The following ATAD5 variants were observed in gnomAD, a reference collection of about 807,000 sequenced individuals.
ATAD5 encodes the protein ATPase family AAA domain containing 5, also known as ATPase family AAA domain-containing protein 5.
Under a neutral mutation model 176.9 loss-of-function variants are expected in ATAD5, and 58 were observed. The observed-to-expected ratio is 0.33, with a 90% CI of 0.27 to 0.41. The LOEUF (loss-of-function observed/expected upper bound fraction) is 0.41. Among genes scored for constraint, ATAD5 ranks in the 10% least tolerant of loss-of-function variants. The pLI is 1.00. For missense variants in ATAD5, 1,789 were observed against 2,094.1 expected (o/e 0.85, Z 2.84); for synonymous variants, 640 against 712.6 (o/e 0.90, Z 1.62).
intron 6 of ATAD5, among the ~76,000 whole-genome samples, chr17:30,850,134 C>T (rs930914110): frequency 4.6e-5 from 7 of 151,702 alleles, no homozygotes; most frequent in African/African-American, 9.7e-5. Context: ...GAGCAAGATG[C>T]GGTCGCTAAA....
At position 30,894,117 on chromosome 17, in the gene ATAD5, A is replaced by G. The variant is rs1249364373; in HGVS notation, c.5264A>G (p.Asn1755Ser). 1.5e-5 allele frequency: 24 copies of G among 1,589,174 alleles called. No individual in the cohort carries two copies. The highest frequency in any genetic ancestry group is 2.0e-5 in the Non-Finnish European group (23 of 1,165,292). ...LTFYVSQKRN[N>S]VYFSQSAANL... ...TTTTATGTTTCACAAAAGCGCAATA[A>G]TGTATACTTTAGTCAGTCAGCAGCT... The change falls in exon 21 of 23, where the codon AAT (asparagine) becomes AGT (serine). Residue 1755 changes from asparagine to serine, a missense_variant. This residue lies in a region of ATAD5 where 403 missense variants were observed against 495.1 expected (regional missense o/e 0.81). Coordinates refer to ENST00000321990, the MANE Select transcript of ATAD5 (RefSeq NM_024857.5).
chr17:30,832,271 C>G lies in ATAD5; in HGVS notation c.-77C>G, dbSNP rs535901700. 15 of 1,321,666 alleles carry G rather than the reference C, an allele frequency of 1.1e-5. No homozygotes were observed. In the South Asian group the frequency reaches 2.1e-4, roughly 19 times the overall value. The allele number at this position is 1,321,666 out of a possible 1,614,324, so 81.9% of individuals were successfully genotyped here. A position where few individuals can be genotyped will look rare whatever the true frequency, so the allele number is the denominator to read the frequency against. On this transcript the variant is annotated 5_prime_UTR_variant, in exon 1 of 23. Coordinates refer to ENST00000321990, the MANE Select transcript of ATAD5 (RefSeq NM_024857.5). ...AGCAGCTTGCTGCTACTGGAGCGGGCCGCCTCCATGGCCTCCAGGCAGGCC... is the reference window on the plus strand; with the variant it reads ...AGCAGCTTGCTGCTACTGGAGCGGGGCGCCTCCATGGCCTCCAGGCAGGCC...
At chr17:30,858,355 A>C in intron 9 of ATAD5, 32 bp downstream of exon 9, 1 of 1,348,446 alleles carries the variant, frequency 7.4e-7, no homozygotes, top group Non-Finnish European at 9.7e-7. Context: ...TTATGTTAAC[A>C]TACCAGTTTT....
chr17:30,858,513 G>A (rs560103153), intron 9 of ATAD5, among the ~76,000 whole-genome samples, 190 bp downstream of exon 9: 1 of 152,102 alleles, frequency 6.6e-6, no homozygotes, highest in African/African-American at 2.4e-5. Flanking sequence ...AGCCTCCTGA[G>A]TAGCTGGGAT....
intron 18 of ATAD5, among the ~76,000 whole-genome samples, chr17:30,881,587 G>C (rs1007452419): frequency 2.6e-5 from 4 of 152,110 alleles, no homozygotes; most frequent in African/African-American, 9.7e-5. Context: ...ACAGGCGTGA[G>C]CCACCGCGCC....
Position 30,876,515 on chromosome 17 carries a change from A to G in ATAD5, c.3749A>G (p.Asn1250Ser), listed in dbSNP as rs1908687483. 6 of 1,583,306 alleles carry G rather than the reference A, an allele frequency of 3.8e-6. No homozygotes were observed. The highest frequency in any genetic ancestry group is 5.2e-6 in the Non-Finnish European group (6 of 1,160,542). The change falls in exon 15 of 23, where the codon AAT becomes AGT. Residue 1250 changes from asparagine to serine, a missense_variant. Coordinates refer to ENST00000321990, the MANE Select transcript of ATAD5 (RefSeq NM_024857.5). The part of the protein sequence containing the change: ...YFKVSPKPKN[N>S]EEIGMLLENN... ...AAAGTATCTCCCAAACCTAAAAATA[A>G]TGAAGAAATAGGAATGCTTCTGGAA... is the stretch of plus-strand genomic sequence containing the variant.
chr17:30,857,843 C>T (rs1157076788), intron 8 of ATAD5, among the ~76,000 whole-genome samples: 1 of 150,834 alleles, frequency 6.6e-6, no homozygotes, highest in Non-Finnish European at 1.5e-5. Context: ...CGGGTTCAAG[C>T]GATCCTCCTG....
intron 17 of ATAD5, among the ~76,000 whole-genome samples, chr17:30,878,308 A>G (rs1908786759): frequency 6.6e-6 from 1 of 152,138 alleles, no homozygotes; most frequent in African/African-American, 2.4e-5. Flanking sequence ...TTTGGTAGGG[A>G]AAATACTAGA....
At chr17:30,865,433 A>C in intron 10 of ATAD5, among the ~76,000 whole-genome samples, 1 of 152,046 alleles carries the variant, frequency 6.6e-6, no homozygotes, top group East Asian at 1.9e-4. Context: ...CAGCCTCCCA[A>C]AGTGCTGGGA....
intron 10 of ATAD5, among the ~76,000 whole-genome samples, chr17:30,861,548 G>A (rs1907635704): frequency 6.6e-6 from 1 of 151,538 alleles, no homozygotes; most frequent in Non-Finnish European, 1.5e-5. Flanking sequence ...TATTTTTTGA[G>A]ACAGCATCTC....
At chr17:30,887,824 G>GA (rs1175560142) in intron 19 of ATAD5, among the ~76,000 whole-genome samples, 1 of 151,910 alleles carries the variant, frequency 6.6e-6, no homozygotes, top group African/African-American at 2.4e-5. Flanking sequence ...TCTAAAAAAA[G>GA]AAAAAATTAT....
chr17:30,858,000 T>A (rs904856820), intron 8 of ATAD5, among the ~76,000 whole-genome samples, 161 bp from the exon 9 acceptor site: 7 of 152,182 alleles, frequency 4.6e-5, no homozygotes, highest in African/African-American at 1.7e-4. Flanking sequence ...TCTCTTGGCC[T>A]CCCAAAGTGC....
intron 6 of ATAD5, among the ~76,000 whole-genome samples, chr17:30,852,087 C>G (rs1048196820): frequency 6.6e-6 from 1 of 152,176 alleles, no homozygotes; most frequent in Non-Finnish European, 1.5e-5. Context: ...TGGCAATTCT[C>G]TATTGCAGTC....
At chr17:30,857,261 C>G in intron 8 of ATAD5, 149 bp downstream of exon 8, 1 of 840,524 alleles carries the variant, frequency 1.2e-6, no homozygotes, top group South Asian at 2.2e-5. Context: ...CTCTGTTGCC[C>G]AGGCTGGAGT....
At chr17:30,869,121 C>T (rs941175072) in intron 12 of ATAD5, 127 bp from the exon 13 acceptor site, 41 of 1,126,162 alleles carry the variant, frequency 3.6e-5, no homozygotes, top group South Asian at 2.2e-4. Context: ...CCACTGCGTC[C>T]GGCCTGTATA....
intron 10 of ATAD5, among the ~76,000 whole-genome samples, chr17:30,861,128 A>G (rs936082180): frequency 6.6e-6 from 1 of 151,634 alleles, no homozygotes; most frequent in African/African-American, 2.4e-5. Context: ...TTATATTTTT[A>G]GTAGAGACAG....
intron 4 of ATAD5, among the ~76,000 whole-genome samples, chr17:30,842,371 C>G (rs1271847418): frequency 6.6e-6 from 1 of 151,948 alleles, no homozygotes; most frequent in African/African-American, 2.4e-5. Context: ...TATTTTCTTT[C>G]CTGATATGTA....
chr17:30,857,225 T>G (rs1310047431), intron 8 of ATAD5, 113 bp downstream of exon 8: 1 of 1,215,814 alleles, frequency 8.2e-7, no homozygotes, highest in Non-Finnish European at 1.1e-6. Context: ...GAGTTTAATT[T>G]TTTTTTTTTT....
At chr17:30,878,302 G>A (rs1437475898) in intron 17 of ATAD5, among the ~76,000 whole-genome samples, 2 of 152,064 alleles carry the variant, frequency 1.3e-5, no homozygotes, top group Non-Finnish European at 2.9e-5. Flanking sequence ...TGGTATTTTG[G>A]TAGGGAAAAT....
Sources: allele counts gnomAD v4.1 joint callset (sites outside exome capture counted in the v4.1 genomes callset), GRCh38; gene constraint gnomAD v4.1.1; regional missense constraint gnomAD v4.1.1; transcripts MANE v1.5; gene names NCBI Gene and HGNC (gene_info 2026-07-23, HGNC 2026-07-21).